KLHL29: variants seen among roughly 807,000 people sequenced by gnomAD.
The protein encoded by KLHL29 is kelch-like protein 29.
KLHL29 carries 21 observed loss-of-function variants against 80.4 expected under a neutral mutation model. The observed-to-expected ratio is 0.26, with a 90% CI of 0.19 to 0.38. KLHL29 has a LOEUF of 0.38. Among genes scored for constraint, KLHL29 ranks in the 10% least tolerant of loss-of-function variants. KLHL29 has a pLI of 1.00. For synonymous variants in KLHL29, 511 were observed against 526.8 expected (o/e 0.97, Z 0.41); for missense variants, 867 against 1,223.9 (o/e 0.71, Z 4.35).
At chr2:23,386,682 G>A (rs1398720093) in intron 1 of KLHL29, among the ~76,000 whole-genome samples, 4 of 152,136 alleles carry the variant, frequency 2.6e-5, no homozygotes, top group Non-Finnish European at 5.9e-5. Flanking sequence ...CGGGCTGAGA[G>A]CGCTAGGGTT....
At chr2:23,640,316 A>T (rs1348221581) in intron 4 of KLHL29, among the ~76,000 whole-genome samples, 2 of 152,178 alleles carry the variant, frequency 1.3e-5, no homozygotes, top group Non-Finnish European at 1.5e-5. Context: ...GAGCTTGGCG[A>T]CATATAACTA....
At chr2:23,528,238 C>T (rs1038238297) in intron 2 of KLHL29, among the ~76,000 whole-genome samples, 2 of 151,374 alleles carry the variant, frequency 1.3e-5, no homozygotes, top group African/African-American at 4.9e-5. Flanking sequence ...GAAAAAGTGA[C>T]AAAAAAAAAT....
At chr2:23,585,881 G>A (rs180895417) in intron 3 of KLHL29, among the ~76,000 whole-genome samples, 280 of 152,308 alleles carry the variant, frequency 1.8e-3, no homozygotes, top group Non-Finnish European at 3.1e-3. Flanking sequence ...CTCTACCACC[G>A]GGGAGAGTTT....
chr2:23,406,343 AG>A (rs140894024), intron 1 of KLHL29, among the ~76,000 whole-genome samples: 63,503 of 121,602 alleles, frequency 0.52, 17,430 homozygotes, highest in South Asian at 0.71. Context: ...AAAAAAAAAA[AG>A]AAAAGAAAAC....
intron 1 of KLHL29, among the ~76,000 whole-genome samples, chr2:23,470,091 T>C (rs1434345327): frequency 6.6e-6 from 1 of 152,018 alleles, no homozygotes; most frequent in Non-Finnish European, 1.5e-5. Flanking sequence ...GGGTTTATGG[T>C]GGAGTCATGT....
chr2:23,536,884 CAG>C (rs1343457098), intron 2 of KLHL29, among the ~76,000 whole-genome samples: 1 of 140,156 alleles, frequency 7.1e-6, no homozygotes, highest in Non-Finnish European at 1.5e-5. Context: ...TAGCGAAAGA[CAG>C]ATCTCACACA....
chr2:23,629,194 C>T (rs1362912468), intron 3 of KLHL29, among the ~76,000 whole-genome samples: 2 of 152,104 alleles, frequency 1.3e-5, no homozygotes, highest in East Asian at 1.9e-4. Flanking sequence ...GTGCCCCTCG[C>T]GCTCCTCCAC....
intron 1 of KLHL29, among the ~76,000 whole-genome samples, chr2:23,396,964 G>T (rs1021482937): frequency 6.6e-6 from 1 of 152,114 alleles, no homozygotes; most frequent in Non-Finnish European, 1.5e-5. Context: ...TCTGTATAAG[G>T]TCACCACCTC....
intron 6 of KLHL29, chr2:23,689,726 T>C (rs1283214079): frequency 6.6e-6 from 1 of 152,264 alleles, no homozygotes; most frequent in Non-Finnish European, 1.5e-5. Context: ...CAGCGGCTTG[T>C]AGGAATGAAG....
chr2:23,665,943 TGA>T, intron 5 of KLHL29, among the ~76,000 whole-genome samples: 1 of 152,228 alleles, frequency 6.6e-6, no homozygotes, highest in East Asian at 1.9e-4. Flanking sequence ...TTTCCAAATA[TGA>T]GCTGTATGCT....
At chr2:23,489,143 C>T (rs1462458802) in intron 2 of KLHL29, among the ~76,000 whole-genome samples, 3 of 152,150 alleles carry the variant, frequency 2.0e-5, no homozygotes, top group Admixed American at 6.5e-5. Context: ...ATGGCGTTTC[C>T]GTGGGCTCTA....
intron 5 of KLHL29, among the ~76,000 whole-genome samples, chr2:23,678,807 A>G (rs565029703): frequency 1.5e-4 from 23 of 152,370 alleles, no homozygotes; most frequent in Non-Finnish European, 2.9e-4. Context: ...AAATAAAGCC[A>G]TTCACAGGAC....
chr2:23,667,268 G>A (rs78304776), intron 5 of KLHL29: 4 of 152,190 alleles, frequency 2.6e-5, no homozygotes, highest in Admixed American at 6.5e-5. Flanking sequence ...TTGAGCTGTC[G>A]TTCCTTAATT....
chr2:23,649,239 C>T (rs575836818), intron 5 of KLHL29, among the ~76,000 whole-genome samples: 1 of 152,322 alleles, frequency 6.6e-6, no homozygotes, highest in South Asian at 2.1e-4. Context: ...AGCCCCCACT[C>T]CTGATACACA....
intron 1 of KLHL29, among the ~76,000 whole-genome samples, chr2:23,403,517 AC>A (rs1198891778): frequency 6.6e-6 from 1 of 152,202 alleles, no homozygotes; most frequent in East Asian, 1.9e-4. Flanking sequence ...TTAAAAGCAT[AC>A]CTTATTGAAT....
intron 5 of KLHL29, among the ~76,000 whole-genome samples, chr2:23,662,673 C>G (rs758699688): frequency 6.6e-6 from 1 of 152,160 alleles, no homozygotes; most frequent in East Asian, 1.9e-4. Flanking sequence ...TGCCTTGGCT[C>G]CTCCAAGGGG....
chr2:23,636,952 C>T (rs961558743), intron 3 of KLHL29, among the ~76,000 whole-genome samples: 1 of 152,048 alleles, frequency 6.6e-6, no homozygotes, highest in Non-Finnish European at 1.5e-5. Context: ...GTTGCCAGGC[C>T]GGAGTGTGAT....
Position 23,604,986 on chromosome 2 carries a change from G to A in KLHL29, c.286-34153G>A, listed in dbSNP as rs139066526. 6.6e-5 allele frequency among the ~76,000 whole-genome samples: 10 copies of A among 152,140 alleles called. No homozygotes were observed. The East Asian group carries it at 7.7e-4, about 12-fold the overall frequency. ...GGGCTGTTGGGAGGGTCCGCTGAGC[G>A]CCCCAACTCCACCTGGCCCTGCCTG... On this transcript the variant is annotated intron_variant, in intron 3 of 13. Transcript: ENST00000486442.
chr2:23,656,215 C>G (rs1670240362), intron 5 of KLHL29, among the ~76,000 whole-genome samples: 1 of 152,206 alleles, frequency 6.6e-6, no homozygotes, highest in South Asian at 2.1e-4. Flanking sequence ...TAGTGCCTAC[C>G]CGCCAAGGGG....
Sources: allele counts gnomAD v4.1 joint callset (sites outside exome capture counted in the v4.1 genomes callset), GRCh38; gene constraint gnomAD v4.1.1; transcripts MANE v1.5; gene names NCBI Gene and HGNC (gene_info 2026-07-23, HGNC 2026-07-21).